Variants in GABRG3 observed in about 807,000 individuals in gnomAD.
GABRG3 encodes the protein gamma-aminobutyric acid type A receptor subunit gamma3.
A neutral mutation model predicts 48.8 loss-of-function variants in GABRG3; 25 were observed. The observed-to-expected ratio is 0.51, with a 90% confidence interval of 0.37 to 0.72. The LOEUF (loss-of-function observed/expected upper bound fraction) is 0.72. Among genes scored for constraint, GABRG3 ranks in the 30% least tolerant of loss-of-function variants. The pLI is 0.00. For synonymous variants in GABRG3, 227 were observed against 217.6 expected (o/e 1.04, Z -0.38); for missense variants, 394 against 577.9 (o/e 0.68, Z 3.26).
intron 5 of GABRG3, chr15:27,340,928 G>T: frequency 2.1e-6 from 1 of 482,536 alleles, no homozygotes. Context: ...TTTGAAAGCT[G>T]TTTTTTAAGA....
At chr15:27,446,557 GA>G (rs199681305) in intron 5 of GABRG3, among the ~76,000 whole-genome samples, 19 of 151,654 alleles carry the variant, frequency 1.3e-4, no homozygotes, top group Non-Finnish European at 2.2e-4. Flanking sequence ...ATTTCTAGCA[GA>G]AAAAAAAATT....
intron 3 of GABRG3, among the ~76,000 whole-genome samples, chr15:27,029,963 A>G (rs1896054892): frequency 6.6e-6 from 1 of 152,228 alleles, no homozygotes; most frequent in Admixed American, 6.5e-5. Flanking sequence ...CAACCAAACG[A>G]CGCAATTTTA....
At chr15:27,300,678 C>CAAAAAA (rs10600874) in intron 3 of GABRG3, among the ~76,000 whole-genome samples, 2 of 101,282 alleles carry the variant, frequency 2.0e-5, no homozygotes, top group Admixed American at 1.1e-4. Flanking sequence ...AATAAATAAG[C>CAAAAAA]AAAAAAAAAA....
chr15:27,179,263 G>T lies in GABRG3; in HGVS notation c.271-147546G>T, dbSNP rs1016910607. ...TGATTTGCCATTTCAAACATGCCCCGCGTGGCAATCCACCTTCCCCTCAGG... is the reference window on the plus strand; with the variant it reads ...TGATTTGCCATTTCAAACATGCCCCTCGTGGCAATCCACCTTCCCCTCAGG... On this transcript the variant is annotated intron_variant, in intron 3 of 9. Transcript: ENST00000615808. The surrounding 1 kb of genome is among the most constrained non-coding windows in gnomAD (Gnocchi z 4.0). Among the ~76,000 whole-genome samples, 5 of 152,092 alleles carry T rather than the reference G, an allele frequency of 3.3e-5. No individual in the cohort carries two copies. The highest frequency in any genetic ancestry group is 1.2e-4 in the African/African-American group (5 of 41,396).
At chr15:27,304,825 T>C (rs1363209515) in intron 3 of GABRG3, among the ~76,000 whole-genome samples, 2 of 151,956 alleles carry the variant, frequency 1.3e-5, no homozygotes, top group African/African-American at 4.8e-5. Flanking sequence ...CAGACATCTT[T>C]AGGGACTATT....
chr15:27,306,655 T>TGAAC, intron 3 of GABRG3, among the ~76,000 whole-genome samples: 1 of 58,678 alleles, frequency 1.7e-5, no homozygotes, highest in African/African-American at 7.6e-5. Context: ...TAAACATATA[T>TGAAC]ATGAACATGT....
chr15:27,046,183 T>C (rs1435038724), intron 3 of GABRG3, among the ~76,000 whole-genome samples: 2 of 152,126 alleles, frequency 1.3e-5, no homozygotes, highest in Non-Finnish European at 2.9e-5. Flanking sequence ...AACGTCCGTC[T>C]CCGGGGTTCA....
intron 3 of GABRG3, among the ~76,000 whole-genome samples, chr15:27,082,160 C>T (rs189919394): frequency 1.3e-5 from 2 of 152,280 alleles, no homozygotes; most frequent in Admixed American, 1.3e-4. Context: ...GTGGCTGTGT[C>T]CTCCCTGAGA....
At chr15:27,221,625 G>T (rs1889457044) in intron 3 of GABRG3, among the ~76,000 whole-genome samples, 1 of 152,086 alleles carries the variant, frequency 6.6e-6, no homozygotes, top group South Asian at 2.1e-4. Context: ...TCAAACATTT[G>T]ATCTAAATCA....
At chr15:27,198,165 A>G (rs1216813032) in intron 3 of GABRG3, among the ~76,000 whole-genome samples, 1 of 152,232 alleles carries the variant, frequency 6.6e-6, no homozygotes, top group Non-Finnish European at 1.5e-5. Flanking sequence ...TAATTAAACT[A>G]AAGAGCTTCT....
intron 3 of GABRG3, among the ~76,000 whole-genome samples, chr15:27,201,353 C>CGTGTGT (rs376315853): frequency 0.043 from 6,147 of 144,166 alleles, 191 homozygotes; most frequent in East Asian, 0.1. Flanking sequence ...GTGAGGGGTG[C>CGTGTGT]GTGTGTGTGT....
At chr15:27,314,339 A>G (rs1265501460) in intron 3 of GABRG3, among the ~76,000 whole-genome samples, 2 of 152,192 alleles carry the variant, frequency 1.3e-5, no homozygotes, top group African/African-American at 2.4e-5. Flanking sequence ...CATCAGGGAC[A>G]TGCAAATCAA....
At chr15:27,307,368 TAG>T (rs1892629701) in intron 3 of GABRG3, among the ~76,000 whole-genome samples, 5 of 90,050 alleles carry the variant, frequency 5.6e-5, no homozygotes, top group African/African-American at 8.1e-5. Flanking sequence ...TATAACCATA[TAG>T]GTTTATATAT....
chr15:27,527,790 G>A (rs1413172943), intron 8 of GABRG3, 143 bp from the exon 9 acceptor site: 24 of 962,230 alleles, frequency 2.5e-5, no homozygotes, highest in Non-Finnish European at 3.3e-5. Context: ...CTGAAGATGT[G>A]AATGTGACTC....
intron 5 of GABRG3, among the ~76,000 whole-genome samples, chr15:27,405,281 T>A (rs1404519550): frequency 6.6e-6 from 1 of 152,174 alleles, no homozygotes; most frequent in African/African-American, 2.4e-5. Context: ...TAAGAAAATA[T>A]CTCTATGACC....
At chr15:27,390,917 C>CGCA (rs1896203082) in intron 5 of GABRG3, among the ~76,000 whole-genome samples, 2 of 152,008 alleles carry the variant, frequency 1.3e-5, no homozygotes, top group African/African-American at 2.4e-5. Flanking sequence ...GGTGCAATGC[C>CGCA]ATCTCTACTA....
At chr15:27,028,347 G>C (rs1055218162) in intron 3 of GABRG3, among the ~76,000 whole-genome samples, 2 of 152,208 alleles carry the variant, frequency 1.3e-5, no homozygotes, top group Non-Finnish European at 2.9e-5. Flanking sequence ...GTGATGTGTG[G>C]AGAGATGCCT....
At chr15:27,201,188 T>C (rs1308664009) in intron 3 of GABRG3, among the ~76,000 whole-genome samples, 1 of 151,908 alleles carries the variant, frequency 6.6e-6, no homozygotes, top group Non-Finnish European at 1.5e-5. Context: ...GGGAGTGTGC[T>C]GAGTCCTCAG....
At chr15:27,096,546 C>T (rs1897267851) in intron 3 of GABRG3, among the ~76,000 whole-genome samples, 1 of 152,210 alleles carries the variant, frequency 6.6e-6, no homozygotes, top group South Asian at 2.1e-4. Context: ...GAAATTAGAA[C>T]CAGCATTTTC....
Sources: gnomAD v4.1 joint callset for allele counts (sites outside exome capture counted in the v4.1 genomes callset) on GRCh38, gnomAD v4.1.1 for gene constraint, Gnocchi (gnomAD v3.1) non-coding constraint, MANE v1.5 for transcripts, NCBI Gene and HGNC (gene_info 2026-07-23, HGNC 2026-07-21) for gene names.